TMEM108: variants seen among roughly 807,000 people sequenced by gnomAD.
TMEM108 encodes the protein transmembrane protein 108, also known as cancer/testis antigen 124.
TMEM108 carries 12 observed loss-of-function variants against 35.1 expected under a neutral mutation model. The ratio of observed to expected loss-of-function variants is 0.34; its 90% CI spans 0.22 to 0.55. The LOEUF is 0.55. Ranked by LOEUF, TMEM108 falls within the 20% of genes least tolerant of loss-of-function variation. The probability of loss-of-function intolerance (pLI) is 0.89; values close to 1 mark genes in which losing one functional copy is unlikely to be tolerated. For missense variants in TMEM108, 680 were observed against 753.3 expected, an observed-to-expected ratio of 0.90 and a Z score of 1.14; for synonymous variants, 287 against 308.6, an observed-to-expected ratio of 0.93 and a Z score of 0.73.
chr3:133,197,827 T>G (rs561920888), intron 2 of TMEM108, among the ~76,000 whole-genome samples: 7 of 152,270 alleles, frequency 4.6e-5, no homozygotes, highest in African/African-American at 1.7e-4. Context: ...ATGAGAGTCA[T>G]AAGGAAGTGA....
chr3:133,225,609 A>G (rs1287852005), intron 2 of TMEM108, among the ~76,000 whole-genome samples: 1 of 152,198 alleles, frequency 6.6e-6, no homozygotes, highest in African/African-American at 2.4e-5. Context: ...TTAATAAAGC[A>G]AATAGAAGGT....
rs758193207 is a variant in TMEM108, at chr3:133,350,221, AAAAAG to A, written c.41-29526_41-29522del. Among the ~76,000 whole-genome samples the A allele has an allele frequency of 8.5e-5, 13 of 152,308 alleles. No homozygotes were observed. The East Asian group carries it at 2.5e-3, about 29-fold the overall frequency. ...CTCACCACTCATATGTGGTATCTAA[AAAAAG>A]AAAAAGAGGTGATATAGAAGCAAAG... On this transcript the variant is annotated intron_variant, in intron 3 of 5. Transcript: ENST00000321871.
chr3:133,266,736 A>G (rs1946701469), intron 3 of TMEM108, among the ~76,000 whole-genome samples: 1 of 152,132 alleles, frequency 6.6e-6, no homozygotes, highest in African/African-American at 2.4e-5. Context: ...TGGCTGACCC[A>G]TGTGACATGG....
At chr3:133,312,056 A>G (rs2071136171) in intron 3 of TMEM108, among the ~76,000 whole-genome samples, 1 of 152,214 alleles carries the variant, frequency 6.6e-6, no homozygotes. Context: ...GCAAAACAGC[A>G]AATATTGCAG....
At chr3:133,377,956 T>C (rs925074615) in intron 3 of TMEM108, among the ~76,000 whole-genome samples, 1 of 151,962 alleles carries the variant, frequency 6.6e-6, no homozygotes, top group Admixed American at 6.6e-5. Context: ...ATTGAATGCC[T>C]GCTGATCTGA....
intron 3 of TMEM108, among the ~76,000 whole-genome samples, chr3:133,354,305 A>G (rs1349724837): frequency 6.6e-6 from 1 of 152,132 alleles, no homozygotes; most frequent in Non-Finnish European, 1.5e-5. Flanking sequence ...TCAGCTGGGG[A>G]TGTTGCCTGG....
At chr3:133,087,491 C>T (rs1385996325) in intron 2 of TMEM108, among the ~76,000 whole-genome samples, 1 of 152,128 alleles carries the variant, frequency 6.6e-6, no homozygotes, top group Non-Finnish European at 1.5e-5. Flanking sequence ...TTTTTGTTCT[C>T]TCTGATTTTG....
intron 3 of TMEM108, among the ~76,000 whole-genome samples, chr3:133,233,185 C>T (rs1219576806): frequency 6.6e-6 from 1 of 152,072 alleles, no homozygotes; most frequent in Non-Finnish European, 1.5e-5. Context: ...AGCTATCCCT[C>T]CCCGCTCCGC....
intron 2 of TMEM108, among the ~76,000 whole-genome samples, chr3:133,187,343 A>C (rs1488349123): frequency 6.6e-6 from 1 of 152,212 alleles, no homozygotes; most frequent in Admixed American, 6.5e-5. Context: ...TTTAGAAACC[A>C]TGAGAAGTTC....
At chr3:133,050,770 T>A (rs1943395378) in intron 2 of TMEM108, among the ~76,000 whole-genome samples, 1 of 151,942 alleles carries the variant, frequency 6.6e-6, no homozygotes, top group South Asian at 2.1e-4. Flanking sequence ...ATATGTAGCC[T>A]TTTCAGATTG....
chr3:133,304,703 T>C (rs1282428225), intron 3 of TMEM108, among the ~76,000 whole-genome samples: 1 of 152,176 alleles, frequency 6.6e-6, no homozygotes, highest in African/African-American at 2.4e-5. Context: ...TGTGTAATAA[T>C]ATTCCATCAT....
chr3:133,287,273 A>C (rs1443460485), intron 3 of TMEM108, among the ~76,000 whole-genome samples: 1 of 152,184 alleles, frequency 6.6e-6, no homozygotes, highest in Admixed American at 6.5e-5. Context: ...AAAACCTTTT[A>C]AAAAAAGGAT....
At chr3:133,057,420 G>T (rs1943478212) in intron 2 of TMEM108, among the ~76,000 whole-genome samples, 12 of 45,570 alleles carry the variant, frequency 2.6e-4, no homozygotes, top group Admixed American at 8.7e-4. Context: ...TGGGCTATTA[G>T]TTGTGTGTGT....
intron 1 of TMEM108, among the ~76,000 whole-genome samples, chr3:133,045,068 C>T (rs549390750): frequency 3.2e-4 from 48 of 151,568 alleles, no homozygotes; most frequent in African/African-American, 1.1e-3. Context: ...TCTGGGTTCA[C>T]GCCATTCTCC....
Position 133,065,340 on chromosome 3 carries a change from A to G in TMEM108, c.-47+19320A>G, listed in dbSNP as rs533163410. Among the ~76,000 whole-genome samples the G allele has an allele frequency of 2.0e-5, 3 of 152,306 alleles. No homozygotes were observed. The East Asian group carries it at 5.8e-4, about 29-fold the overall frequency. On this transcript the variant is annotated intron_variant, in intron 2 of 5. Coordinates refer to ENST00000321871, the MANE Select transcript of TMEM108 (RefSeq NM_023943.4). ...CACACATGCACAGAGATGTTCGCAT[A>G]TGCAGAGAGACACCTGACTGTTGGT...
intron 2 of TMEM108, among the ~76,000 whole-genome samples, chr3:133,169,027 A>G (rs887804760): frequency 2.0e-5 from 3 of 152,216 alleles, no homozygotes; most frequent in African/African-American, 7.2e-5. Context: ...AGCAAACTCC[A>G]GACACACCAT....
At chr3:133,386,632 AG>A in intron 4 of TMEM108, 1 of 1,425,686 alleles carries the variant, frequency 7.0e-7, no homozygotes, top group Non-Finnish European at 9.1e-7. Context: ...GACCTCCTCC[AG>A]AGTCTTGATG....
rs1388667183 is a variant in TMEM108 at position 133,315,044 on chromosome 3, A to ACAC, written c.41-64708_41-64707insCAC. Among the ~76,000 whole-genome samples the ACAC allele has an allele frequency of 2.7e-4, 41 of 152,278 alleles. 1 individual carries two copies. Among genetic ancestry groups the ACAC allele is most frequent in the African/African-American group, 9.4e-4 (39 of 41,556 alleles). ...TTTTGTCTCGGTTTTCCTGTTTGTA[A>ACAC]TATGGAGACAATAGTGGATCCCTAT... On this transcript the variant is annotated intron_variant, in intron 3 of 5. Transcript: ENST00000321871.
intron 4 of TMEM108, among the ~76,000 whole-genome samples, chr3:133,384,341 G>T (rs568767208): frequency 6.6e-6 from 1 of 152,332 alleles, no homozygotes; most frequent in East Asian, 1.9e-4. Flanking sequence ...GAATTCAGAT[G>T]GGCGGGGTGC....
Sources: gnomAD v4.1 joint callset for allele counts (sites outside exome capture counted in the v4.1 genomes callset) on GRCh38, gnomAD v4.1.1 for gene constraint, MANE v1.5 for transcripts, NCBI Gene and HGNC (gene_info 2026-07-23, HGNC 2026-07-21) for gene names.